Variants in APBB2 observed in about 807,000 individuals in gnomAD.
The protein encoded by APBB2 is amyloid beta precursor protein binding family B member 2, also known as Fe65-like 1.
Under a neutral mutation model 82.5 loss-of-function variants are expected in APBB2, and 38 were observed. The ratio of observed to expected loss-of-function variants is 0.46; its 90% CI spans 0.36 to 0.60. The LOEUF is 0.60. APBB2 is among the 20% of genes least tolerant of loss of function. APBB2 has a pLI of 0.00. For missense variants in APBB2, 772 were observed against 972.3 expected (o/e 0.79, Z 2.74); for synonymous variants, 341 against 368.2 (o/e 0.93, Z 0.85).
intron 12 of APBB2, among the ~76,000 whole-genome samples, chr4:40,869,091 A>T (rs28588525): frequency 3.3e-5 from 5 of 151,574 alleles, no homozygotes; most frequent in East Asian, 1.9e-4. Context: ...TGCAGTGGTG[A>T]GATCTTGGCT....
At chr4:41,052,222 TAC>T (rs1726240785) in intron 4 of APBB2, among the ~76,000 whole-genome samples, 1 of 151,794 alleles carries the variant, frequency 6.6e-6, no homozygotes, top group African/African-American at 2.4e-5. Flanking sequence ...CATACATACA[TAC>T]ATACATACAT....
chr4:40,945,652 A>G (rs1788178514), intron 6 of APBB2, among the ~76,000 whole-genome samples: 1 of 152,100 alleles, frequency 6.6e-6, no homozygotes, highest in Non-Finnish European at 1.5e-5. Flanking sequence ...TTGCTCTGTC[A>G]CCCAGGCTGG....
At chr4:41,169,345 A>G (rs936854222) in intron 1 of APBB2, among the ~76,000 whole-genome samples, 11 of 152,136 alleles carry the variant, frequency 7.2e-5, no homozygotes, top group African/African-American at 2.7e-4. Flanking sequence ...CTACTCTAGG[A>G]GAGACTGAAG....
In APBB2 at chr4:40,841,396, T is replaced by C. The variant is rs531938457; in HGVS notation, c.1530-10819A>G. Among the ~76,000 whole-genome samples the C allele has an allele frequency of 6.6e-5, 10 of 152,234 alleles. No homozygotes were observed. The East Asian group carries it at 9.7e-4, about 15-fold the overall frequency. ...CAAAAGTGGAGTTTTTATTAAGTGG[T>C]AGAGCTATGGAATCATGGAGCTTAA... On this transcript the variant is annotated intron_variant, in intron 12 of 17. Transcript: ENST00000508593.
At chr4:41,089,689 G>A (rs1047668626) in intron 3 of APBB2, among the ~76,000 whole-genome samples, 1 of 152,188 alleles carries the variant, frequency 6.6e-6, no homozygotes, top group Non-Finnish European at 1.5e-5. Context: ...CAGTGGAAGA[G>A]TCAAAATTTA....
chr4:41,190,817 C>A (rs952458059), intron 1 of APBB2, among the ~76,000 whole-genome samples: 2 of 152,130 alleles, frequency 1.3e-5, no homozygotes, highest in Non-Finnish European at 2.9e-5. Flanking sequence ...AAGTAAAACA[C>A]TTTAAGAAGA....
chr4:40,991,784 T>A lies in APBB2; in HGVS notation c.835+21799A>T, dbSNP rs1303405790. On this transcript the variant is annotated intron_variant, in intron 6 of 17. Transcript: ENST00000508593. ...ACCATCTTCCTTGGTTTTCTAGGAT[T>A]TTTTTTAGAACCTTCAGACCCCAGA... Among the ~76,000 whole-genome samples, 2 of 152,172 alleles carry A rather than the reference T, an allele frequency of 1.3e-5. 1 individual carries two copies. Among genetic ancestry groups the A allele is most frequent in the Admixed American group, 1.3e-4 (2 of 15,272 alleles).
At chr4:40,912,136 T>C (rs548094551) in intron 10 of APBB2, among the ~76,000 whole-genome samples, 5 of 152,360 alleles carry the variant, frequency 3.3e-5, no homozygotes, top group South Asian at 2.1e-4. Context: ...GATTGTCTTA[T>C]GGAAGAGTGG....
intron 12 of APBB2, among the ~76,000 whole-genome samples, chr4:40,859,525 C>G (rs6856142): frequency 0.18 from 26,713 of 152,096 alleles, 2,575 homozygotes; most frequent in East Asian, 0.28. Context: ...TTTTAACAGT[C>G]TCCTTGCCTC....
At chr4:41,070,241 A>G (rs1245552024) in intron 3 of APBB2, among the ~76,000 whole-genome samples, 1 of 152,106 alleles carries the variant, frequency 6.6e-6, no homozygotes, top group East Asian at 1.9e-4. Flanking sequence ...ATTACTCACA[A>G]TTTTACTTCT....
At chr4:40,898,454 G>C (rs1164368827) in intron 10 of APBB2, among the ~76,000 whole-genome samples, 1 of 151,992 alleles carries the variant, frequency 6.6e-6, no homozygotes, top group Non-Finnish European at 1.5e-5. Flanking sequence ...TAGTAGAGAC[G>C]GGGTTTCACC....
At chr4:40,849,589 T>C (rs540157947) in intron 12 of APBB2, among the ~76,000 whole-genome samples, 5 of 152,192 alleles carry the variant, frequency 3.3e-5, no homozygotes, top group Admixed American at 1.3e-4. Flanking sequence ...GAGGCAGTTA[T>C]GGACTGAAAA....
chr4:40,882,419 G>A (rs1768897508), intron 12 of APBB2, among the ~76,000 whole-genome samples: 1 of 152,208 alleles, frequency 6.6e-6, no homozygotes, highest in Admixed American at 6.5e-5. Context: ...CTTAAAAAGA[G>A]GGCTTGCCTG....
In APBB2 at chr4:40,810,626, A is replaced by G. The variant is rs1372076996; in HGVS notation, c.*5466T>C. 2 of 151,300 alleles carry G rather than the reference A, an allele frequency of 1.3e-5. No homozygotes were observed. Among genetic ancestry groups the G allele is most frequent in the African/African-American group, 4.9e-5 (2 of 41,154 alleles). The allele number at this position is 151,300 out of a possible 1,614,324, so 9.4% of individuals were successfully genotyped here. Reference sequence around the variant, plus strand: ...AGTGTCAATGAAGAAAGGAAACAAGACTTTTTATAGTTGAACCAGGCTTAT... The same window carrying G: ...AGTGTCAATGAAGAAAGGAAACAAGGCTTTTTATAGTTGAACCAGGCTTAT... On this transcript the variant is annotated 3_prime_UTR_variant, in exon 18 of 18. Transcript: ENST00000508593.
chr4:40,889,505 T>C (rs1046691896), intron 12 of APBB2, among the ~76,000 whole-genome samples: 2 of 152,216 alleles, frequency 1.3e-5, no homozygotes, highest in African/African-American at 4.8e-5. Context: ...TCTTGTCCAT[T>C]TTCAACAAAG....
chr4:40,930,639 T>C (rs923877863), intron 10 of APBB2, among the ~76,000 whole-genome samples: 4 of 152,144 alleles, frequency 2.6e-5, no homozygotes, highest in African/African-American at 9.7e-5. Context: ...TTTTTCAGCA[T>C]GTAAGTTTTA....
At chr4:40,955,778 CT>C (rs987700215) in intron 6 of APBB2, among the ~76,000 whole-genome samples, 38 of 147,394 alleles carry the variant, frequency 2.6e-4, no homozygotes, top group East Asian at 5.9e-4. Flanking sequence ...TTTTCTTTTT[CT>C]TTTTTTTTTT....
chr4:41,058,961 T>C lies in APBB2; in HGVS notation c.-51+6615A>G, dbSNP rs1013369178. Among the ~76,000 whole-genome samples, 19 of 151,962 alleles carry C rather than the reference T, an allele frequency of 1.3e-4. 1 individual carries two copies. In the East Asian group the frequency reaches 2.1e-3, roughly 17 times the overall value. ...ACCAAAGATAGAACTTAAAGTCAGA[T>C]GAGAGAAAGTTAAAGCTCTGAAGAT... On this transcript the variant is annotated intron_variant, in intron 4 of 17. Coordinates refer to ENST00000508593, the MANE Select transcript of APBB2 (RefSeq NM_004307.2).
intron 4 of APBB2, among the ~76,000 whole-genome samples, chr4:41,049,812 C>A (rs1160378107): frequency 6.6e-6 from 1 of 152,180 alleles, no homozygotes; most frequent in Non-Finnish European, 1.5e-5. Flanking sequence ...CCTTGGGATG[C>A]CTTACCCCCA....
Sources: allele counts gnomAD v4.1 joint callset (sites outside exome capture counted in the v4.1 genomes callset), GRCh38; gene constraint gnomAD v4.1.1; transcripts MANE v1.5; gene names NCBI Gene and HGNC (gene_info 2026-07-23, HGNC 2026-07-21).